Variants in PCDHGB1 observed in about 807,000 individuals in gnomAD.
PCDHGB1 encodes protocadherin gamma subfamily B, 1.
Under a neutral mutation model 56.6 loss-of-function variants are expected in PCDHGB1, and 34 were observed. That is an observed-to-expected ratio of 0.60 (90% CI 0.46 to 0.80). PCDHGB1 has a LOEUF of 0.80. Ranked by LOEUF, PCDHGB1 falls within the 30% of genes least tolerant of loss-of-function variation. PCDHGB1 has a pLI of 0.00. For synonymous variants in PCDHGB1, 561 were observed against 505.9 expected (o/e 1.11, Z -1.46); for missense variants, 1,278 against 1,204.6 (o/e 1.06, Z -0.90).
At position 141,372,683 on chromosome 5, in the gene PCDHGB1, C is replaced by T. The variant is rs764987054; in HGVS notation, c.2409+20014C>T. On this transcript the variant is annotated intron_variant, in intron 1 of 3. Coordinates refer to ENST00000523390, the MANE Select transcript of PCDHGB1 (RefSeq NM_018922.3). The stretch of plus-strand genomic sequence containing the variant: ...GTGCTGCCTCACATTCCTCAAACAC[C>T]GAGTTTAAATTTCTCAATATAAAGG... The T allele has an allele frequency of 1.9e-6, 3 of 1,613,826 alleles. No homozygotes were observed. In the African/African-American group the frequency reaches 4.0e-5, roughly 22 times the overall value.
At chr5:141,448,449 T>C (rs528049717) in intron 1 of PCDHGB1, among the ~76,000 whole-genome samples, 1 of 152,284 alleles carries the variant, frequency 6.6e-6, no homozygotes, top group South Asian at 2.1e-4. Context: ...CTGACTTCCA[T>C]CCCTATCCTA....
At chr5:141,370,847 A>G (rs372882282) in intron 1 of PCDHGB1, 2 of 1,614,046 alleles carry the variant, frequency 1.2e-6, no homozygotes, top group Non-Finnish European at 1.7e-6. Flanking sequence ...CTGGAGCCAC[A>G]TTTGCCCTGG....
chr5:141,376,302 T>G, intron 1 of PCDHGB1: 2 of 1,614,166 alleles, frequency 1.2e-6, no homozygotes, highest in Non-Finnish European at 1.7e-6. Context: ...GGCTCGCACT[T>G]TGTGGGCGTG....
chr5:141,393,460 A>T, intron 1 of PCDHGB1: 1 of 1,614,052 alleles, frequency 6.2e-7, no homozygotes, highest in Non-Finnish European at 8.5e-7. Flanking sequence ...ACGGCCTCGG[A>T]TGGCGGCAAG....
In PCDHGB1 at chr5:141,491,786, C is replaced by T; in HGVS notation, c.2410-3021C>T. The stretch of plus-strand genomic sequence containing the variant: ...CCTCATAAGGGATTGAACTTGCATC[C>T]ACTCCTCTCCGGCCGGCTTGGTCGC... On this transcript the variant is annotated intron_variant, in intron 1 of 3. Coordinates refer to ENST00000523390, the MANE Select transcript of PCDHGB1 (RefSeq NM_018922.3). This position sits in a 1 kb window ranked among gnomAD's most constrained non-coding sequence, Gnocchi z 6.9. The T allele has an allele frequency of 1.3e-6, 2 of 1,529,640 alleles. No individual in the cohort carries two copies. The highest frequency in any genetic ancestry group is 2.5e-5 in the South Asian group (2 of 80,832). The allele number at this position is 1,529,640 out of a possible 1,614,324, so 94.8% of individuals were successfully genotyped here.
intron 1 of PCDHGB1, among the ~76,000 whole-genome samples, chr5:141,492,226 C>T (rs1365682179): frequency 6.6e-6 from 1 of 152,178 alleles, no homozygotes; most frequent in Non-Finnish European, 1.5e-5. Flanking sequence ...CATGCGTGTC[C>T]TCCCTGCTGG....
chr5:141,458,848 T>C (rs1044462303), intron 1 of PCDHGB1, among the ~76,000 whole-genome samples: 1 of 152,182 alleles, frequency 6.6e-6, no homozygotes, highest in Non-Finnish European at 1.5e-5. Flanking sequence ...TCCTCCCACC[T>C]CAGCCTTCCA....
chr5:141,355,518 G>T, intron 1 of PCDHGB1: 2 of 1,614,050 alleles, frequency 1.2e-6, no homozygotes, highest in African/African-American at 2.7e-5. Context: ...TGACAAACCT[G>T]GAGATTCTTC....
At chr5:141,360,253 G>A in intron 1 of PCDHGB1, 1 of 1,613,900 alleles carries the variant, frequency 6.2e-7, no homozygotes, top group Non-Finnish European at 8.5e-7. Flanking sequence ...AATTCCAGAG[G>A]AGCTGGCCAA....
intron 1 of PCDHGB1, chr5:141,370,170 C>G (rs1188782749): frequency 2.2e-6 from 1 of 459,536 alleles, no homozygotes; most frequent in Non-Finnish European, 3.8e-6. Flanking sequence ...AGCAGAGGCG[C>G]CGGGTGCCGC....
At chr5:141,424,901 C>G (rs2096846997) in intron 1 of PCDHGB1, among the ~76,000 whole-genome samples, 1 of 152,134 alleles carries the variant, frequency 6.6e-6, no homozygotes, top group African/African-American at 2.4e-5. Context: ...TTTTTGATCA[C>G]AGGAATCATT....
At position 141,490,735 on chromosome 5, in the gene PCDHGB1, C is replaced by T; in HGVS notation, c.2410-4072C>T. The T allele has an allele frequency of 2.5e-6, 4 of 1,614,194 alleles. No individual in the cohort carries two copies. Among genetic ancestry groups the T allele is most frequent in the Non-Finnish European group, 2.5e-6 (3 of 1,180,018 alleles). ...CTACTCCATTGTAGGAAATCAGGTTCAGGGAGCCCCAGCCTCCTCCTTTGT... is the reference window on the plus strand; with the variant it reads ...CTACTCCATTGTAGGAAATCAGGTTTAGGGAGCCCCAGCCTCCTCCTTTGT... On this transcript the variant is annotated intron_variant, in intron 1 of 3. Transcript: ENST00000523390. This position sits in a 1 kb window ranked among gnomAD's most constrained non-coding sequence, Gnocchi z 5.4.
At chr5:141,426,720 A>T (rs1448232477) in intron 1 of PCDHGB1, 4 of 447,600 alleles carry the variant, frequency 8.9e-6, no homozygotes, top group Non-Finnish European at 1.8e-5. Flanking sequence ...TGAACTAGCA[A>T]TTCCAGGCAT....
intron 1 of PCDHGB1, among the ~76,000 whole-genome samples, chr5:141,464,454 A>G (rs999305559): frequency 6.6e-6 from 1 of 151,542 alleles, no homozygotes; most frequent in Non-Finnish European, 1.5e-5. Context: ...TGTTGTTGTT[A>G]TTTTTGAAGT....
At chr5:141,412,509 A>G (rs1452202369) in intron 1 of PCDHGB1, 2 of 152,208 alleles carry the variant, frequency 1.3e-5, no homozygotes, top group Admixed American at 1.3e-4. Flanking sequence ...AATAAGTTTA[A>G]TGAATTAAGT....
Position 141,485,549 on chromosome 5 carries a change from G to A in PCDHGB1, c.2410-9258G>A. 6.2e-7 allele frequency: 1 copy of A among 1,614,030 alleles called. No homozygotes were observed. The highest frequency in any genetic ancestry group is 1.1e-5 in the South Asian group (1 of 91,068). On this transcript the variant is annotated intron_variant, in intron 1 of 3. Transcript: ENST00000523390. The surrounding 1 kb of genome is among the most constrained non-coding windows in gnomAD (Gnocchi z 5.7). ...CCGAGCAGAGGTAGAGATCGTAGATGTGAATGATCACGCCCCCCGTTTTCC... is the reference window on the plus strand; with the variant it reads ...CCGAGCAGAGGTAGAGATCGTAGATATGAATGATCACGCCCCCCGTTTTCC...
intron 1 of PCDHGB1, chr5:141,419,798 A>G: frequency 6.2e-7 from 1 of 1,614,050 alleles, no homozygotes; most frequent in Admixed American, 1.7e-5. Flanking sequence ...AGTCGCTGTA[A>G]GAGATGGAGG....
chr5:141,492,720 A>G (rs1161942205), intron 1 of PCDHGB1, among the ~76,000 whole-genome samples: 1 of 152,256 alleles, frequency 6.6e-6, no homozygotes, highest in East Asian at 1.9e-4. Context: ...GCAGGCGGAC[A>G]GGCAGAGCTG....
intron 1 of PCDHGB1, chr5:141,371,406 T>C: frequency 6.2e-7 from 1 of 1,613,960 alleles, no homozygotes; most frequent in Non-Finnish European, 8.5e-7. Flanking sequence ...GATAGATATT[T>C]CAGATGAAAA....
Sources: allele counts gnomAD v4.1 joint callset (sites outside exome capture counted in the v4.1 genomes callset), GRCh38; gene constraint gnomAD v4.1.1; non-coding constraint Gnocchi (gnomAD v3.1); transcripts MANE v1.5; gene names NCBI Gene and HGNC (gene_info 2026-07-23, HGNC 2026-07-21).